The following NELL1 variants were observed in gnomAD, a reference collection of about 807,000 sequenced individuals.
NELL1 encodes the protein neural EGFL like 1.
Under a neutral mutation model 107.4 loss-of-function variants are expected in NELL1, and 76 were observed. The observed-to-expected ratio is 0.71, with a 90% CI of 0.59 to 0.86. The LOEUF is 0.86. Ranked by LOEUF, NELL1 falls within the 40% of genes least tolerant of loss-of-function variation. The probability of loss-of-function intolerance (pLI) is 0.00; values close to 1 mark genes in which losing one functional copy is unlikely to be tolerated. For missense variants in NELL1, 1,024 were observed against 1,005.5 expected (o/e 1.02, Z -0.25); for synonymous variants, 353 against 341.2 (o/e 1.03, Z -0.38).
At chr11:21,324,086 G>A (rs1850073243) in intron 14 of NELL1, among the ~76,000 whole-genome samples, 1 of 152,126 alleles carries the variant, frequency 6.6e-6, no homozygotes, top group South Asian at 2.1e-4. Flanking sequence ...ATTTAGGAGT[G>A]TAATAAACTA....
intron 5 of NELL1, among the ~76,000 whole-genome samples, chr11:20,895,631 G>A (rs971039013): frequency 2.7e-5 from 4 of 150,640 alleles, no homozygotes; most frequent in Non-Finnish European, 1.5e-5. Context: ...TCAGCCTCTG[G>A]AGGAGCTGGG....
intron 15 of NELL1, among the ~76,000 whole-genome samples, chr11:21,379,679 G>T (rs1347496142): frequency 1.3e-5 from 2 of 151,964 alleles, no homozygotes; most frequent in Non-Finnish European, 2.9e-5. Context: ...GTGATTTTTT[G>T]AACCTTTTCT....
At chr11:21,444,064 C>G (rs1228134677) in intron 15 of NELL1, among the ~76,000 whole-genome samples, 3 of 151,934 alleles carry the variant, frequency 2.0e-5, no homozygotes, top group Non-Finnish European at 4.4e-5. Context: ...ATACAAACTC[C>G]TCTCAATATT....
chr11:21,369,618 CAT>C (rs1167496468), intron 14 of NELL1, among the ~76,000 whole-genome samples: 1 of 152,000 alleles, frequency 6.6e-6, no homozygotes, highest in Non-Finnish European at 1.5e-5. Flanking sequence ...AAGTTACACT[CAT>C]ATTAATTTTG....
At chr11:21,082,439 A>C (rs976647109) in intron 12 of NELL1, among the ~76,000 whole-genome samples, 1 of 152,190 alleles carries the variant, frequency 6.6e-6, no homozygotes, top group African/African-American at 2.4e-5. Context: ...AGATGCAGAG[A>C]GAGACCGTGT....
intron 11 of NELL1, among the ~76,000 whole-genome samples, chr11:20,958,198 G>C (rs539948317): frequency 6.6e-6 from 1 of 152,168 alleles, no homozygotes; most frequent in South Asian, 2.1e-4. Context: ...TGGGGAAATC[G>C]CTTGAGCCTA....
chr11:21,323,805 A>G (rs1850065383), intron 14 of NELL1, among the ~76,000 whole-genome samples: 1 of 152,114 alleles, frequency 6.6e-6, no homozygotes, highest in Non-Finnish European at 1.5e-5. Context: ...TACAGGTTCC[A>G]CTGAAGATAA....
In NELL1 at chr11:20,884,197, G is replaced by T. The variant is rs569148156; in HGVS notation, c.507-1247G>T. ...TAAGATATAAGACTGCAGCGCGACA[G>T]CTCCCAACTGCAGCAGGCTCACCAT... On this transcript the variant is annotated intron_variant, in intron 4 of 19. Transcript: ENST00000357134. Among the ~76,000 whole-genome samples the T allele has an allele frequency of 4.6e-5, 7 of 152,290 alleles. No individual in the cohort carries two copies. In the South Asian group the frequency reaches 1.5e-3, roughly 32 times the overall value.
intron 12 of NELL1, among the ~76,000 whole-genome samples, chr11:21,068,682 C>T (rs1012904276): frequency 1.3e-5 from 2 of 152,248 alleles, no homozygotes; most frequent in East Asian, 3.9e-4. Flanking sequence ...GCCAGTCCAC[C>T]GATAATGCAG....
chr11:20,918,637 C>G (rs1350588768), intron 6 of NELL1, among the ~76,000 whole-genome samples: 1 of 151,832 alleles, frequency 6.6e-6, no homozygotes, highest in African/African-American at 2.4e-5. Context: ...AGGTGAAACC[C>G]CTTATAAAAC....
intron 19 of NELL1, 86 bp from the exon 20 acceptor site, chr11:21,574,886 G>T (rs778646147): frequency 4.4e-6 from 5 of 1,128,156 alleles, no homozygotes; most frequent in Non-Finnish European, 4.0e-6. Flanking sequence ...TCAAAATGCT[G>T]AAAGTTGTTT....
At chr11:20,786,591 A>G (rs1456362203) in intron 3 of NELL1, among the ~76,000 whole-genome samples, 2 of 152,022 alleles carry the variant, frequency 1.3e-5, no homozygotes. Context: ...GCAAATCCAT[A>G]TGGGTCTACA....
intron 14 of NELL1, among the ~76,000 whole-genome samples, chr11:21,347,083 G>C (rs556142658): frequency 6.6e-6 from 1 of 152,156 alleles, no homozygotes; most frequent in Non-Finnish European, 1.5e-5. Context: ...AGAGACAAGT[G>C]CTGTGAGGGA....
chr11:20,912,018 CAACA>C (rs1437201502), intron 5 of NELL1, among the ~76,000 whole-genome samples: 3 of 152,290 alleles, frequency 2.0e-5, no homozygotes, highest in African/African-American at 7.2e-5. Flanking sequence ...CTCATGGATT[CAACA>C]ACCACATCTG....
chr11:21,199,747 A>G (rs1194308496), intron 13 of NELL1, among the ~76,000 whole-genome samples: 3 of 152,036 alleles, frequency 2.0e-5, no homozygotes, highest in Non-Finnish European at 2.9e-5. Context: ...TGCTGCACCC[A>G]TCAACCTGTC....
At chr11:21,266,065 A>G (rs1848627272) in intron 14 of NELL1, among the ~76,000 whole-genome samples, 1 of 151,886 alleles carries the variant, frequency 6.6e-6, no homozygotes. Context: ...CCCCTCCTTA[A>G]GATTGGATGA....
At chr11:21,498,279 C>T (rs139712508) in intron 15 of NELL1, among the ~76,000 whole-genome samples, 1 of 149,466 alleles carries the variant, frequency 6.7e-6, no homozygotes, top group East Asian at 2.0e-4. Context: ...TAAAAATTGA[C>T]ATGCCTCCAT....
chr11:20,812,651 A>C (rs1857524131), intron 3 of NELL1, among the ~76,000 whole-genome samples: 1 of 152,216 alleles, frequency 6.6e-6, no homozygotes, highest in South Asian at 2.1e-4. Context: ...GTTGTTAATT[A>C]AAGGAGGAGG....
chr11:20,856,888 G>T (rs111913869), intron 4 of NELL1, among the ~76,000 whole-genome samples: 20 of 152,330 alleles, frequency 1.3e-4, no homozygotes, highest in African/African-American at 4.3e-4. Context: ...GGATGTGATT[G>T]CATCTTATAG....
Sources: gnomAD v4.1 joint callset for allele counts (sites outside exome capture counted in the v4.1 genomes callset) on GRCh38, gnomAD v4.1.1 for gene constraint, MANE v1.5 for transcripts, NCBI Gene and HGNC (gene_info 2026-07-23, HGNC 2026-07-21) for gene names.